The following STXBP5 variants were observed in gnomAD, a reference collection of about 807,000 sequenced individuals.
The protein encoded by STXBP5 is syntaxin binding protein 5, also known as syntaxin-binding protein 5.
Under a neutral mutation model 152.4 loss-of-function variants are expected in STXBP5, and 50 were observed. The observed-to-expected ratio is 0.33, with a 90% CI of 0.26 to 0.42. STXBP5 has a LOEUF of 0.42. Among genes scored for constraint, STXBP5 ranks in the 10% least tolerant of loss-of-function variants. The pLI is 1.00. For missense variants in STXBP5, 1,167 were observed against 1,388.6 expected, an observed-to-expected ratio of 0.84 and a Z score of 2.54; for synonymous variants, 492 against 494.7, an observed-to-expected ratio of 0.99 and a Z score of 0.07.
In STXBP5 at chr6:147,238,505, G is replaced by C. The variant is rs138131741; in HGVS notation, c.331-665G>C. Among the ~76,000 whole-genome samples, 129 of 152,274 alleles carry C rather than the reference G, an allele frequency of 8.5e-4. 1 individual carries two copies. The highest frequency in any genetic ancestry group is 3.4e-3 in the Middle Eastern group (1 of 294). ...GATGCGTTTTGGCATTGCAAACCAC[G>C]TCTAAACCATAGCACTCTGGAAATT... On this transcript the variant is annotated intron_variant, in intron 3 of 27. Transcript: ENST00000321680.
intron 2 of STXBP5, among the ~76,000 whole-genome samples, chr6:147,215,459 C>A (rs1464282120): frequency 6.6e-6 from 1 of 152,154 alleles, no homozygotes; most frequent in Non-Finnish European, 1.5e-5. Context: ...CGGCTCACTA[C>A]AACCTCTGCC....
At chr6:147,287,204 T>C (rs971607769) in intron 8 of STXBP5, among the ~76,000 whole-genome samples, 2 of 125,602 alleles carry the variant, frequency 1.6e-5, no homozygotes, top group African/African-American at 6.4e-5. Flanking sequence ...ATTTTTTTTT[T>C]TTTTTTTTTT....
At chr6:147,380,065 C>G (rs1443547110) in intron 26 of STXBP5, among the ~76,000 whole-genome samples, 1 of 151,780 alleles carries the variant, frequency 6.6e-6, no homozygotes. Flanking sequence ...ACAAATTGAT[C>G]TACACATTTA....
At chr6:147,304,880 G>A (rs1224138584) in intron 9 of STXBP5, among the ~76,000 whole-genome samples, 2 of 152,042 alleles carry the variant, frequency 1.3e-5, no homozygotes, top group East Asian at 3.9e-4. Context: ...ATTTGGAATG[G>A]GAGAAATTGG....
chr6:147,360,991 T>TACTAA lies in STXBP5; in HGVS notation c.2545+1668_2545+1669insACTAA, dbSNP rs1481059954. On this transcript the variant is annotated intron_variant, in intron 23 of 27. Transcript: ENST00000321680. The stretch of plus-strand genomic sequence containing the variant: ...TAAATAATCAGTTTAATTTACTCAT[T>TACTAA]TTGCTCTATAAGTGCTTGAGTATAT... Among the ~76,000 whole-genome samples, 11 of 152,316 alleles carry TACTAA rather than the reference T, an allele frequency of 7.2e-5. No homozygotes were observed. The East Asian group carries it at 2.1e-3, about 29-fold the overall frequency.
intron 21 of STXBP5, among the ~76,000 whole-genome samples, chr6:147,344,198 G>C (rs566073264): frequency 6.6e-6 from 1 of 151,882 alleles, no homozygotes; most frequent in African/African-American, 2.4e-5. Context: ...AAATGTGCTG[G>C]AAAGTCTGTG....
chr6:147,338,039 G>A (rs1001966668), intron 19 of STXBP5, among the ~76,000 whole-genome samples: 1 of 152,078 alleles, frequency 6.6e-6, no homozygotes, highest in South Asian at 2.1e-4. Flanking sequence ...GATTCATTAA[G>A]ATTCAGTGCT....
intron 19 of STXBP5, 36 bp from the exon 20 acceptor site, chr6:147,339,143 A>G (rs1395533336): frequency 1.3e-6 from 2 of 1,508,692 alleles, no homozygotes; most frequent in East Asian, 2.5e-5. Context: ...ATGACTGACC[A>G]TCTACCTATT....
chr6:147,207,035 C>G (rs1776601478), intron 2 of STXBP5, among the ~76,000 whole-genome samples: 2 of 151,488 alleles, frequency 1.3e-5, no homozygotes, highest in Admixed American at 1.3e-4. Context: ...GTAGACATTA[C>G]TATTGTCAAA....
chr6:147,361,359 A>G (rs973497361), intron 23 of STXBP5, among the ~76,000 whole-genome samples: 5 of 152,188 alleles, frequency 3.3e-5, no homozygotes, highest in African/African-American at 1.2e-4. Flanking sequence ...CTTGCAATAA[A>G]TCAAATTAGC....
At chr6:147,361,150 G>A in intron 23 of STXBP5, among the ~76,000 whole-genome samples, 1 of 152,022 alleles carries the variant, frequency 6.6e-6, no homozygotes, top group East Asian at 1.9e-4. Context: ...GTTAACAGGA[G>A]TTATCACTGG....
chr6:147,339,208 G>A lies in STXBP5; in HGVS notation c.2176G>A (p.Glu726Lys). ...GSSSPHNSDD[E>K]QKMNNFIEKV... Reference sequence around the variant, plus strand: ...TTCATCACCACACAATTCAGATGATGAACAAAAAATGAATAATTTTATAGA... The same window carrying A: ...TTCATCACCACACAATTCAGATGATAAACAAAAAATGAATAATTTTATAGA... The change falls in exon 20 of 28, where the codon GAA becomes AAA. Residue 726 changes from glutamate to lysine, a missense_variant. Physicochemically the swap from Glu to Lys is moderately conservative, Grantham distance 56. Coordinates refer to ENST00000321680, the MANE Select transcript of STXBP5 (RefSeq NM_001127715.4). The A allele has an allele frequency of 6.5e-7, 1 of 1,538,190 alleles. No homozygotes were observed. Among genetic ancestry groups the A allele is most frequent in the Non-Finnish European group, 8.8e-7 (1 of 1,142,828 alleles).
chr6:147,301,695 A>G (rs1582912223), intron 9 of STXBP5, among the ~76,000 whole-genome samples: 1 of 152,124 alleles, frequency 6.6e-6, no homozygotes, highest in East Asian at 1.9e-4. Context: ...ATAAATTGCC[A>G]TTCACTTTCT....
chr6:147,306,048 A>G (rs916293009), intron 9 of STXBP5, among the ~76,000 whole-genome samples: 1 of 152,202 alleles, frequency 6.6e-6, no homozygotes, highest in African/African-American at 2.4e-5. Flanking sequence ...ATGCAGAACA[A>G]TTATTAAAAT....
chr6:147,337,368 G>T (rs747865064), intron 19 of STXBP5, among the ~76,000 whole-genome samples: 8 of 151,980 alleles, frequency 5.3e-5, no homozygotes, highest in Non-Finnish European at 7.4e-5. Context: ...GATATTATCT[G>T]TGTTTTATTG....
chr6:147,242,871 C>G (rs937587243), intron 4 of STXBP5, among the ~76,000 whole-genome samples: 10 of 152,200 alleles, frequency 6.6e-5, no homozygotes, highest in Admixed American at 5.2e-4. Flanking sequence ...TAGCATGTAG[C>G]TTTTTTAGAC....
At chr6:147,258,381 C>T (rs1562444093) in intron 4 of STXBP5, among the ~76,000 whole-genome samples, 2 of 152,166 alleles carry the variant, frequency 1.3e-5, no homozygotes, top group Non-Finnish European at 2.9e-5. Flanking sequence ...TCTGTCTTGT[C>T]TGTCTCTCTC....
chr6:147,292,266 A>G (rs1436610912), intron 9 of STXBP5: 1 of 452,712 alleles, frequency 2.2e-6, no homozygotes, highest in East Asian at 7.1e-5. Flanking sequence ...GTTGAGATCC[A>G]ACAGATATAT....
intron 18 of STXBP5, 120 bp from the exon 19 acceptor site, chr6:147,334,037 G>A (rs1380278348): frequency 1.1e-6 from 1 of 902,796 alleles, no homozygotes; most frequent in African/African-American, 1.7e-5. Flanking sequence ...CAGTACCACA[G>A]TCTGTTAATT....
Sources: allele counts gnomAD v4.1 joint callset (sites outside exome capture counted in the v4.1 genomes callset), GRCh38; gene constraint gnomAD v4.1.1; transcripts MANE v1.5; gene names NCBI Gene and HGNC (gene_info 2026-07-23, HGNC 2026-07-21).